Variants in ELMO1 observed in about 807,000 individuals in gnomAD.
ELMO1 encodes the protein engulfment and cell motility protein 1.
ELMO1 carries 26 observed loss-of-function variants against 98.9 expected under a neutral mutation model. That is an observed-to-expected ratio of 0.26 (90% CI 0.19 to 0.36). The LOEUF (loss-of-function observed/expected upper bound fraction) is 0.36. Among genes scored for constraint, ELMO1 ranks in the 10% least tolerant of loss-of-function variants. The pLI is 1.00. For missense variants in ELMO1, 627 were observed against 935.2 expected, an observed-to-expected ratio of 0.67 and a Z score of 4.30; for synonymous variants, 346 against 346.0, an observed-to-expected ratio of 1.00 and a Z score of 0.00.
At chr7:37,331,683 AGAAG>A (rs537049655) in intron 2 of ELMO1, among the ~76,000 whole-genome samples, 81 of 152,264 alleles carry the variant, frequency 5.3e-4, no homozygotes, top group African/African-American at 1.9e-3. Flanking sequence ...CACACTGACC[AGAAG>A]GAAGAGGTCC....
At chr7:37,170,348 T>G (rs966432243) in intron 13 of ELMO1, among the ~76,000 whole-genome samples, 6 of 152,214 alleles carry the variant, frequency 3.9e-5, no homozygotes, top group Non-Finnish European at 7.3e-5. Flanking sequence ...AGCATTGAAT[T>G]GAATTAGCAG....
At chr7:37,278,216 G>A (rs537267825) in intron 4 of ELMO1, among the ~76,000 whole-genome samples, 8 of 143,620 alleles carry the variant, frequency 5.6e-5, no homozygotes, top group Admixed American at 2.2e-4. Flanking sequence ...CCAGTTATGC[G>A]AATACTAATC....
intron 13 of ELMO1, among the ~76,000 whole-genome samples, chr7:37,159,128 G>T (rs1220493219): frequency 1.3e-5 from 2 of 152,114 alleles, no homozygotes; most frequent in African/African-American, 4.8e-5. Context: ...CACAGGGAGG[G>T]GAACATCACA....
chr7:37,315,519 G>A (rs550323242), intron 3 of ELMO1, among the ~76,000 whole-genome samples: 1 of 152,238 alleles, frequency 6.6e-6, no homozygotes, highest in Non-Finnish European at 1.5e-5. Flanking sequence ...GAGATCCCAC[G>A]GAGCAGCACA....
chr7:37,323,309 A>G (rs1001933715), intron 2 of ELMO1, among the ~76,000 whole-genome samples: 1 of 152,202 alleles, frequency 6.6e-6, no homozygotes, highest in African/African-American at 2.4e-5. Context: ...TTTTTCTCTA[A>G]AAGAGTTCCT....
At chr7:37,091,758 C>G (rs192095517) in intron 15 of ELMO1, among the ~76,000 whole-genome samples, 1 of 152,170 alleles carries the variant, frequency 6.6e-6, no homozygotes, top group Non-Finnish European at 1.5e-5. Context: ...CACAGCACCA[C>G]GTGGCTGGGG....
intron 16 of ELMO1, among the ~76,000 whole-genome samples, chr7:36,908,167 T>G (rs1784093967): frequency 6.6e-6 from 1 of 152,244 alleles, no homozygotes; most frequent in Admixed American, 6.5e-5. Context: ...ATGTGCTGGT[T>G]GTTGTAAGGA....
chr7:37,218,571 G>T (rs562762549), intron 10 of ELMO1, among the ~76,000 whole-genome samples: 5 of 152,306 alleles, frequency 3.3e-5, no homozygotes, highest in African/African-American at 9.6e-5. Context: ...AATCCATGGG[G>T]AATATTTTAT....
At chr7:37,199,405 A>T (rs1197655700) in intron 13 of ELMO1, among the ~76,000 whole-genome samples, 1 of 152,178 alleles carries the variant, frequency 6.6e-6, no homozygotes, top group Non-Finnish European at 1.5e-5. Context: ...GGTTGCAGTG[A>T]GCCATGATGA....
chr7:37,126,775 C>T (rs751823160), intron 14 of ELMO1, among the ~76,000 whole-genome samples: 38 of 152,190 alleles, frequency 2.5e-4, no homozygotes, highest in Non-Finnish European at 5.9e-5. Flanking sequence ...TGGCTCCACG[C>T]AGGCACGTGG....
chr7:37,423,829 T>C (rs1315202077), intron 1 of ELMO1, among the ~76,000 whole-genome samples: 2 of 152,206 alleles, frequency 1.3e-5, no homozygotes, highest in African/African-American at 2.4e-5. Flanking sequence ...TTCATTACCC[T>C]TTCTCTTTTT....
chr7:37,446,150 A>G (rs1459384039), intron 1 of ELMO1, among the ~76,000 whole-genome samples: 1 of 152,176 alleles, frequency 6.6e-6, no homozygotes, highest in Non-Finnish European at 1.5e-5. Flanking sequence ...TTCCTGGTAT[A>G]TTTCCCTGGT....
At chr7:37,291,037 TAGAG>T (rs927244252) in intron 4 of ELMO1, among the ~76,000 whole-genome samples, 70 of 152,224 alleles carry the variant, frequency 4.6e-4, no homozygotes, top group Admixed American at 4.3e-3. Flanking sequence ...TGGTACAAAA[TAGAG>T]AGCCACAGAA....
At chr7:37,067,152 G>C (rs1301797501) in intron 15 of ELMO1, among the ~76,000 whole-genome samples, 1 of 152,164 alleles carries the variant, frequency 6.6e-6, no homozygotes, top group Non-Finnish European at 1.5e-5. Flanking sequence ...TCATTTTTAG[G>C]TAAAGGTTTA....
chr7:36,964,886 C>G (rs950660476), intron 16 of ELMO1, among the ~76,000 whole-genome samples: 1 of 152,122 alleles, frequency 6.6e-6, no homozygotes, highest in Non-Finnish European at 1.5e-5. Flanking sequence ...AGGTTAAAAG[C>G]AAACTTAAAA....
intron 10 of ELMO1, among the ~76,000 whole-genome samples, chr7:37,221,742 G>A (rs1484622671): frequency 2.0e-5 from 3 of 151,688 alleles, no homozygotes; most frequent in Non-Finnish European, 4.4e-5. Context: ...CGCCCAAGCT[G>A]GAGTACAGCA....
chr7:37,148,914 C>T (rs1788175213), intron 13 of ELMO1, among the ~76,000 whole-genome samples: 1 of 152,152 alleles, frequency 6.6e-6, no homozygotes, highest in Admixed American at 6.5e-5. Context: ...TTTCATTCAT[C>T]CCCAGGGAGA....
intron 13 of ELMO1, among the ~76,000 whole-genome samples, chr7:37,137,739 G>A (rs900421977): frequency 2.6e-5 from 4 of 152,054 alleles, no homozygotes; most frequent in African/African-American, 4.8e-5. Context: ...GTTTTGCCAC[G>A]TTGACCAGGC....
intron 14 of ELMO1, among the ~76,000 whole-genome samples, chr7:37,102,109 A>G (rs1239397757): frequency 6.6e-6 from 1 of 152,184 alleles, no homozygotes; most frequent in Non-Finnish European, 1.5e-5. Context: ...ACTCCCCAGA[A>G]TGAAGTGTTA....
Sources: gnomAD v4.1 joint callset for allele counts (sites outside exome capture counted in the v4.1 genomes callset) on GRCh38, gnomAD v4.1.1 for gene constraint, MANE v1.5 for transcripts, NCBI Gene and HGNC (gene_info 2026-07-23, HGNC 2026-07-21) for gene names.